ACTR3B: variants seen among roughly 807,000 people sequenced by gnomAD.
The protein encoded by ACTR3B is actin related protein 3B.
A neutral mutation model predicts 59.0 loss-of-function variants in ACTR3B; 8 were observed. The observed-to-expected ratio is 0.14, with a 90% CI of 0.08 to 0.24. The LOEUF (loss-of-function observed/expected upper bound fraction) is 0.24, where lower values mean the gene tolerates loss of function less well. Ranked by LOEUF, ACTR3B falls within the 10% of genes least tolerant of loss-of-function variation. ACTR3B has a pLI of 1.00. For synonymous variants in ACTR3B, 148 were observed against 197.9 expected (o/e 0.75, Z 2.12); for missense variants, 245 against 552.3 (o/e 0.44, Z 5.58).
chr7:152,852,383 C>A, intron 10 of ACTR3B, 132 bp downstream of exon 10: 1 of 1,177,912 alleles, frequency 8.5e-7, no homozygotes, highest in Non-Finnish European at 1.1e-6. Context: ...GCTTTCTGAG[C>A]TGCATTGTGA....
At chr7:152,783,838 G>A (rs1206652171) in intron 2 of ACTR3B, among the ~76,000 whole-genome samples, 2 of 151,730 alleles carry the variant, frequency 1.3e-5, no homozygotes, top group African/African-American at 2.4e-5. Context: ...GCATGTAATC[G>A]CAGCACTTTG....
chr7:152,781,178 A>AT (rs1429450342), intron 1 of ACTR3B, among the ~76,000 whole-genome samples: 1 of 143,146 alleles, frequency 7.0e-6, no homozygotes, highest in Non-Finnish European at 1.5e-5. Context: ...ACGCTTTACC[A>AT]TATTCGTTTC....
rs533573880 is a variant in ACTR3B at position 152,819,990 on chromosome 7, C to T, written c.541-309C>T. On this transcript the variant is annotated intron_variant, in intron 6 of 11. Coordinates refer to ENST00000256001, the MANE Select transcript of ACTR3B (RefSeq NM_020445.6). Reference sequence around the variant, plus strand: ...TTGGGTTTAGTGTTCTTACAGACAGCATTTCTTTTTGGAAATGAACTATCT... The same window carrying T: ...TTGGGTTTAGTGTTCTTACAGACAGTATTTCTTTTTGGAAATGAACTATCT... Among the ~76,000 whole-genome samples, 68 of 152,332 alleles carry T rather than the reference C, an allele frequency of 4.5e-4. 1 individual carries two copies. Among genetic ancestry groups the T allele is most frequent in the African/African-American group, 1.5e-3 (64 of 41,578 alleles).
intron 4 of ACTR3B, among the ~76,000 whole-genome samples, chr7:152,809,354 A>T (rs2098262118): frequency 1.3e-5 from 2 of 151,872 alleles, no homozygotes; most frequent in South Asian, 4.2e-4. Flanking sequence ...TTGTTTGAAG[A>T]AGTGATGCAC....
At chr7:152,844,986 A>G (rs1479819556) in intron 9 of ACTR3B, among the ~76,000 whole-genome samples, 13 of 148,478 alleles carry the variant, frequency 8.8e-5, no homozygotes, top group African/African-American at 2.2e-4. Context: ...GGAAATTAGT[A>G]CAACCGGTGA....
At position 152,854,336 on chromosome 7, in the gene ACTR3B, C is replaced by A; in HGVS notation, c.1162-122C>A. On this transcript the variant is annotated intron_variant, in intron 11 of 11. Transcript: ENST00000256001. This position sits in a 1 kb window ranked among gnomAD's most constrained non-coding sequence, Gnocchi z 4.9. Reference sequence around the variant, plus strand: ...ACATCAGAGAGGTAAAATCTTGCAGCAGCGGTCCTGGGAGGGAGGGTGGAG... The same window carrying A: ...ACATCAGAGAGGTAAAATCTTGCAGAAGCGGTCCTGGGAGGGAGGGTGGAG... 1 of 798,828 alleles carries A rather than the reference C, an allele frequency of 1.3e-6. No homozygotes were observed. Among genetic ancestry groups the A allele is most frequent in the Non-Finnish European group, 2.1e-6 (1 of 471,758 alleles). 49.5% of individuals were successfully genotyped at this position (798,828 alleles called of 1,614,324 possible).
In ACTR3B at chr7:152,768,056, T is replaced by TC. The variant is rs539050158; in HGVS notation, c.44+8131dup. ...GCCAACATGGCAAAACCCTGTCTCT[T>TC]CTAAAAATACAAAAAAATTAGCTGG... On this transcript the variant is annotated intron_variant, in intron 1 of 11. Coordinates refer to ENST00000256001, the MANE Select transcript of ACTR3B (RefSeq NM_020445.6). Among the ~76,000 whole-genome samples, 45 of 152,250 alleles carry TC rather than the reference T, an allele frequency of 3.0e-4. 1 individual carries two copies. The highest frequency in any genetic ancestry group is 2.8e-3 in the Admixed American group (43 of 15,302).
chr7:152,781,458 T>C (rs1192833211), intron 1 of ACTR3B, among the ~76,000 whole-genome samples: 1 of 152,238 alleles, frequency 6.6e-6, no homozygotes, highest in African/African-American at 2.4e-5. Context: ...GCCGGGGGTG[T>C]AGATATAACC....
chr7:152,788,295 G>A lies in ACTR3B; in HGVS notation c.100+5053G>A, dbSNP rs115427544. Among the ~76,000 whole-genome samples, 896 of 151,874 alleles carry A rather than the reference G, an allele frequency of 5.9e-3. 8 individuals are homozygous for A. Among genetic ancestry groups the A allele is most frequent in the African/African-American group, 0.02 (847 of 41,320 alleles). On this transcript the variant is annotated intron_variant, in intron 2 of 11. Transcript: ENST00000256001. Reference sequence around the variant, plus strand: ...TAGATTAATTGGGGAAAAATTTGACGTCAAATTTGACTTTCATGGATAGGA... The same window carrying A: ...TAGATTAATTGGGGAAAAATTTGACATCAAATTTGACTTTCATGGATAGGA...
At chr7:152,772,821 C>T (rs1251138105) in intron 1 of ACTR3B, among the ~76,000 whole-genome samples, 2 of 150,484 alleles carry the variant, frequency 1.3e-5, no homozygotes, top group African/African-American at 4.9e-5. Flanking sequence ...TGAATAAATA[C>T]CGACTCAACC....
chr7:152,831,774 T>G (rs1207359524), intron 9 of ACTR3B, among the ~76,000 whole-genome samples: 1 of 152,056 alleles, frequency 6.6e-6, no homozygotes, highest in South Asian at 2.1e-4. Context: ...GACCTCATGT[T>G]TGAACATGGG....
chr7:152,851,414 G>A (rs554000349), intron 9 of ACTR3B, among the ~76,000 whole-genome samples: 1 of 152,340 alleles, frequency 6.6e-6, no homozygotes, highest in African/African-American at 2.4e-5. Flanking sequence ...CCAGCTGCTC[G>A]GGTGACCTGG....
chr7:152,815,648 A>G (rs1052041653), intron 5 of ACTR3B, among the ~76,000 whole-genome samples: 1 of 152,196 alleles, frequency 6.6e-6, no homozygotes, highest in Admixed American at 6.5e-5. Context: ...CCACTGGAAG[A>G]CAGCAGCCCC....
At chr7:152,806,417 GT>G (rs1047330601) in intron 4 of ACTR3B, among the ~76,000 whole-genome samples, 1 of 152,218 alleles carries the variant, frequency 6.6e-6, no homozygotes, top group African/African-American at 2.4e-5. Context: ...ACGGTGAAGT[GT>G]TTTTGGCAGC....
chr7:152,826,197 T>C lies in ACTR3B; in HGVS notation c.951+1075T>C, dbSNP rs149484279. ...AAAGAATGAGGTAAATCAATATAAA[T>C]TCAGATGAAAAGATAGCTATAGTAT... is the stretch of plus-strand genomic sequence containing the variant. On this transcript the variant is annotated intron_variant, in intron 9 of 11. Coordinates refer to ENST00000256001, the MANE Select transcript of ACTR3B (RefSeq NM_020445.6). Among the ~76,000 whole-genome samples, 28 of 152,292 alleles carry C rather than the reference T, an allele frequency of 1.8e-4. No homozygotes were observed. In the East Asian group the frequency reaches 5.0e-3, roughly 27 times the overall value.
intron 4 of ACTR3B, chr7:152,810,869 A>T (rs1178697343): frequency 6.6e-6 from 1 of 151,448 alleles, no homozygotes; most frequent in Non-Finnish European, 1.5e-5. Context: ...GGGCTACTGC[A>T]CTTGAGCCTG....
chr7:152,812,264 C>A (rs1590336172), intron 4 of ACTR3B: 2 of 96,384 alleles, frequency 2.1e-5, no homozygotes, highest in East Asian at 4.5e-4. Context: ...CTCCTGACCT[C>A]AGGTGATCCG....
intron 1 of ACTR3B, among the ~76,000 whole-genome samples, chr7:152,761,919 G>A (rs1019316481): frequency 4.6e-5 from 7 of 152,282 alleles, no homozygotes; most frequent in African/African-American, 1.4e-4. Context: ...AAGTTGGTCC[G>A]CACATTCGAC....
chr7:152,769,933 A>G (rs1351825295), intron 1 of ACTR3B, among the ~76,000 whole-genome samples: 1 of 151,632 alleles, frequency 6.6e-6, no homozygotes, highest in Non-Finnish European at 1.5e-5. Context: ...CAAATTTATT[A>G]TATTTTATGT....
Sources: allele counts gnomAD v4.1 joint callset (sites outside exome capture counted in the v4.1 genomes callset), GRCh38; gene constraint gnomAD v4.1.1; non-coding constraint Gnocchi (gnomAD v3.1); transcripts MANE v1.5; gene names NCBI Gene and HGNC (gene_info 2026-07-23, HGNC 2026-07-21).